CEP128: variants seen among roughly 807,000 people sequenced by gnomAD.
CEP128 encodes centrosomal protein 128kDa.
Under a neutral mutation model 156.7 loss-of-function variants are expected in CEP128, and 132 were observed. The observed-to-expected ratio is 0.84, with a 90% confidence interval of 0.73 to 0.97. The LOEUF is 0.97. Among genes scored for constraint, CEP128 ranks in the 50% least tolerant of loss-of-function variants. CEP128 has a pLI of 0.00. For missense variants in CEP128, 1,252 were observed against 1,281.9 expected (o/e 0.98, Z 0.36); for synonymous variants, 469 against 448.9 (o/e 1.04, Z -0.57).
chr14:80,611,853 T>G (rs1893006764), intron 19 of CEP128, among the ~76,000 whole-genome samples: 1 of 151,066 alleles, frequency 6.6e-6, no homozygotes, highest in Non-Finnish European at 1.5e-5. Flanking sequence ...AGGTCAGGAG[T>G]TCAAGACTAG....
At chr14:80,852,975 G>A (rs1457890206) in intron 9 of CEP128, among the ~76,000 whole-genome samples, 1 of 151,772 alleles carries the variant, frequency 6.6e-6, no homozygotes, top group Non-Finnish European at 1.5e-5. Flanking sequence ...GGAATGCAAG[G>A]AGGGCTCAAC....
At chr14:80,763,403 G>T (rs1900066281) in intron 16 of CEP128, among the ~76,000 whole-genome samples, 1 of 151,984 alleles carries the variant, frequency 6.6e-6, no homozygotes, top group South Asian at 2.1e-4. Flanking sequence ...GGAGTTTTCT[G>T]AAAAATTAAC....
At chr14:80,683,937 T>G (rs551660650) in intron 19 of CEP128, among the ~76,000 whole-genome samples, 3 of 152,046 alleles carry the variant, frequency 2.0e-5, no homozygotes, top group Non-Finnish European at 4.4e-5. Context: ...CTCTGAGATG[T>G]AGCAAAAGTA....
At chr14:80,480,565 G>A (rs936193769) in intron 14 of CEP128, among the ~76,000 whole-genome samples, 1 of 152,172 alleles carries the variant, frequency 6.6e-6, no homozygotes, top group Non-Finnish European at 1.5e-5. Context: ...CTGCAGGCCT[G>A]TGATGGGAGG....
chr14:80,890,352 A>C (rs1429816183), intron 8 of CEP128, among the ~76,000 whole-genome samples: 3 of 152,222 alleles, frequency 2.0e-5, no homozygotes. Flanking sequence ...CACTATTCAC[A>C]ATAGCAAAGA....
chr14:80,901,560 G>C (rs1883562751), intron 6 of CEP128, among the ~76,000 whole-genome samples: 1 of 152,170 alleles, frequency 6.6e-6, no homozygotes, highest in African/African-American at 2.4e-5. Flanking sequence ...TGAACTTAAT[G>C]AGGAAGAACC....
intron 19 of CEP128, among the ~76,000 whole-genome samples, chr14:80,658,334 G>A (rs1398353304): frequency 6.6e-6 from 1 of 152,084 alleles, no homozygotes; most frequent in African/African-American, 2.4e-5. Flanking sequence ...AGGCTTTACT[G>A]CCCTATTCAC....
chr14:80,878,764 C>T (rs1274407387), intron 8 of CEP128, among the ~76,000 whole-genome samples: 4 of 152,200 alleles, frequency 2.6e-5, no homozygotes, highest in Non-Finnish European at 5.9e-5. Context: ...ACTGGAAGAA[C>T]TGCATCCACT....
chr14:80,938,245 AT>A (rs35236692), intron 2 of CEP128, among the ~76,000 whole-genome samples: 6,629 of 116,868 alleles, frequency 0.057, 409 homozygotes, highest in African/African-American at 0.2. Flanking sequence ...CAGTGTTAGT[AT>A]TTTTTTTTTT....
chr14:80,687,374 C>T (rs1896562622), intron 19 of CEP128, among the ~76,000 whole-genome samples: 1 of 152,044 alleles, frequency 6.6e-6, no homozygotes, highest in Non-Finnish European at 1.5e-5. Context: ...GAGGTACATA[C>T]ATCCCATGGA....
chr14:80,900,605 A>C (rs1342555018), intron 6 of CEP128, among the ~76,000 whole-genome samples: 1 of 152,212 alleles, frequency 6.6e-6, no homozygotes, highest in Non-Finnish European at 1.5e-5. Flanking sequence ...CATTATTCAC[A>C]ATGAGAACAT....
intron 23 of CEP128, among the ~76,000 whole-genome samples, chr14:80,512,177 T>G (rs138803180): frequency 3.6e-4 from 55 of 152,180 alleles, no homozygotes; most frequent in African/African-American, 1.3e-3. Flanking sequence ...GCTGTTGAAG[T>G]CTTCAGCTTT....
intron 20 of CEP128, among the ~76,000 whole-genome samples, chr14:80,570,621 T>G (rs1269414401): frequency 6.6e-6 from 1 of 152,048 alleles, no homozygotes; most frequent in Non-Finnish European, 1.5e-5. Flanking sequence ...AAAAACAAAT[T>G]AAAAATTGTG....
At chr14:80,884,945 C>T (rs1317719073) in intron 8 of CEP128, among the ~76,000 whole-genome samples, 2 of 152,128 alleles carry the variant, frequency 1.3e-5, no homozygotes, top group East Asian at 1.9e-4. Context: ...AGTCTGAAGT[C>T]GAACTTGGTG....
At chr14:80,852,037 G>T (rs1886917831) in intron 9 of CEP128, among the ~76,000 whole-genome samples, 1 of 151,888 alleles carries the variant, frequency 6.6e-6, no homozygotes. Context: ...GAAAACAGAA[G>T]AACAGAACAA....
At chr14:80,624,254 T>C (rs1020624905) in intron 19 of CEP128, among the ~76,000 whole-genome samples, 3 of 152,132 alleles carry the variant, frequency 2.0e-5, no homozygotes, top group African/African-American at 7.2e-5. Context: ...CTGGCAGGAT[T>C]TCATTCTTTT....
intron 21 of CEP128, among the ~76,000 whole-genome samples, chr14:80,534,434 T>A (rs975924139): frequency 2.6e-5 from 4 of 152,212 alleles, no homozygotes; most frequent in Non-Finnish European, 4.4e-5. Flanking sequence ...CAAAATACTT[T>A]GTGCAGAGTC....
chr14:80,665,934 T>C (rs542789921), intron 19 of CEP128, among the ~76,000 whole-genome samples: 1 of 152,146 alleles, frequency 6.6e-6, no homozygotes, highest in Non-Finnish European at 1.5e-5. Flanking sequence ...TCAAAGCAGA[T>C]GGAATTATGG....
intron 19 of CEP128, among the ~76,000 whole-genome samples, chr14:80,708,897 G>T (rs1374205308): frequency 6.6e-6 from 1 of 151,694 alleles, no homozygotes. Flanking sequence ...TTTATTAAAA[G>T]GTATATCCAT....
Sources: allele counts gnomAD v4.1 joint callset (sites outside exome capture counted in the v4.1 genomes callset), GRCh38; gene constraint gnomAD v4.1.1; transcripts MANE v1.5; gene names NCBI Gene and HGNC (gene_info 2026-07-23, HGNC 2026-07-21).